The following GPC6 variants were observed in gnomAD, a reference collection of about 807,000 sequenced individuals.
GPC6 encodes the protein glypican-6.
A neutral mutation model predicts 55.2 loss-of-function variants in GPC6; 14 were observed. The observed-to-expected ratio is 0.25, with a 90% CI of 0.17 to 0.40. The LOEUF (loss-of-function observed/expected upper bound fraction) is 0.40. Ranked by LOEUF, GPC6 falls within the 10% of genes least tolerant of loss-of-function variation. GPC6 has a pLI of 1.00. For synonymous variants in GPC6, 278 were observed against 259.6 expected (o/e 1.07, Z -0.68); for missense variants, 641 against 708.5 (o/e 0.90, Z 1.08).
chr13:93,426,438 C>T (rs1257743492), intron 1 of GPC6, among the ~76,000 whole-genome samples: 8 of 145,342 alleles, frequency 5.5e-5, no homozygotes, highest in African/African-American at 1.5e-4. Context: ...TTCCTGTGTC[C>T]ATGTGTTCTC....
At chr13:93,825,790 T>A (rs1025793676) in intron 2 of GPC6, among the ~76,000 whole-genome samples, 1 of 152,106 alleles carries the variant, frequency 6.6e-6, no homozygotes, top group Non-Finnish European at 1.5e-5. Flanking sequence ...GGTAAGTTTA[T>A]TGAGTGTCTA....
chr13:93,921,185 G>A (rs1877549623), intron 3 of GPC6, among the ~76,000 whole-genome samples: 1 of 152,154 alleles, frequency 6.6e-6, no homozygotes, highest in East Asian at 1.9e-4. Context: ...CAGGGGTGTG[G>A]GTCAAACTCT....
At chr13:93,801,867 CT>C (rs1226421923) in intron 2 of GPC6, among the ~76,000 whole-genome samples, 1 of 152,176 alleles carries the variant, frequency 6.6e-6, no homozygotes, top group Non-Finnish European at 1.5e-5. Context: ...ACCAATTCAT[CT>C]TAGAATTCCC....
At chr13:94,188,924 G>A (rs371412487) in intron 4 of GPC6, among the ~76,000 whole-genome samples, 5 of 152,248 alleles carry the variant, frequency 3.3e-5, no homozygotes, top group African/African-American at 1.2e-4. Flanking sequence ...CCCCTCAATC[G>A]TATAGTTGCT....
At chr13:93,423,958 A>T (rs1015348135) in intron 1 of GPC6, among the ~76,000 whole-genome samples, 3 of 152,114 alleles carry the variant, frequency 2.0e-5, no homozygotes, top group African/African-American at 4.8e-5. Context: ...CAACTTCCGT[A>T]TCTGGTGGAA....
chr13:93,390,175 T>G (rs77513031), intron 1 of GPC6, among the ~76,000 whole-genome samples: 18 of 104 alleles, frequency 0.17, no homozygotes, highest in Admixed American at 0.4. Flanking sequence ...AAAATTCTGT[T>G]TTTTTTTTTT....
chr13:93,614,633 A>T (rs998959065), intron 2 of GPC6, among the ~76,000 whole-genome samples: 17 of 152,326 alleles, frequency 1.1e-4, no homozygotes, highest in African/African-American at 4.1e-4. Context: ...ATAGTAACTA[A>T]AACAGTATAG....
chr13:93,759,757 C>A (rs1018715401), intron 2 of GPC6, among the ~76,000 whole-genome samples: 4 of 152,084 alleles, frequency 2.6e-5, no homozygotes, highest in African/African-American at 4.8e-5. Context: ...ATCAGTGAGA[C>A]AAGTTCAAAC....
chr13:94,144,581 CAG>C (rs139887574), intron 4 of GPC6, among the ~76,000 whole-genome samples: 1 of 141,320 alleles, frequency 7.1e-6, no homozygotes, highest in African/African-American at 2.7e-5. Flanking sequence ...GTGTATAAGA[CAG>C]AGAGAGAGAG....
Position 93,227,516 on chromosome 13 carries a change from C to G in GPC6, c.60C>G (p.Pro20=), listed in dbSNP as rs1369671456. Residue 20 remains proline (P), a synonymous_variant, in exon 1 of 9, where the codon CCC becomes CCG. Coordinates refer to ENST00000377047, the MANE Select transcript of GPC6 (RefSeq NM_005708.5). The surrounding 1 kb of genome is among the most constrained non-coding windows in gnomAD (Gnocchi z 4.3). ...TCTTGGGGCTGCTGCTCTCCCTCCC[C>G]GCCGGGGCGGATGTGAAGGCTCGGA... ...LPLLGLLLSL[P]AGADVKARSC... is the part of the protein sequence containing the mutation. The G allele has an allele frequency of 1.9e-6, 3 of 1,613,876 alleles. No individual in the cohort carries two copies. The highest frequency in any genetic ancestry group is 2.5e-6 in the Non-Finnish European group (3 of 1,179,802).
intron 2 of GPC6, among the ~76,000 whole-genome samples, chr13:93,772,046 C>A (rs1885317665): frequency 6.6e-6 from 1 of 152,120 alleles, no homozygotes; most frequent in Non-Finnish European, 1.5e-5. Flanking sequence ...ATTTCCATAT[C>A]ATATCTGACA....
rs533339350 is a variant in GPC6, at chr13:93,840,520, A to G, written c.711+9975A>G. Among the ~76,000 whole-genome samples, 10 of 151,486 alleles carry G rather than the reference A, an allele frequency of 6.6e-5. No homozygotes were observed. In the South Asian group the frequency reaches 2.1e-3, roughly 32 times the overall value. On this transcript the variant is annotated intron_variant, in intron 3 of 8. Coordinates refer to ENST00000377047, the MANE Select transcript of GPC6 (RefSeq NM_005708.5). ...ACTATTCTAGAATAATGCTAAAAAC[A>G]GGAAAATAATGAACATATTTTGATT... is the stretch of plus-strand genomic sequence containing the variant.
rs190624959 is a variant in GPC6 at position 93,393,157 on chromosome 13, G to A, written c.161-152106G>A. ...AGAGAGAGAGAGAGAGAGAGAGAGA[G>A]AGTGAGAGTCTCTCACTGTCGTCTG... is the stretch of plus-strand genomic sequence containing the variant. On this transcript the variant is annotated intron_variant, in intron 1 of 8. Coordinates refer to ENST00000377047, the MANE Select transcript of GPC6 (RefSeq NM_005708.5). 2.9e-3 allele frequency among the ~76,000 whole-genome samples: 408 copies of A among 141,528 alleles called. 5 individuals carry two copies. The highest frequency in any genetic ancestry group is 1.0e-2 in the African/African-American group (391 of 39,154). 92.8% of individuals were successfully genotyped at this position (141,528 alleles called of 152,430 possible).
intron 5 of GPC6, among the ~76,000 whole-genome samples, chr13:94,296,111 C>G (rs1313623617): frequency 6.6e-6 from 1 of 152,132 alleles, no homozygotes; most frequent in South Asian, 2.1e-4. Flanking sequence ...GGAAGCACAC[C>G]TTTTTTTAGA....
At chr13:93,880,710 A>G (rs985027484) in intron 3 of GPC6, among the ~76,000 whole-genome samples, 3 of 152,106 alleles carry the variant, frequency 2.0e-5, no homozygotes, top group African/African-American at 4.8e-5. Context: ...AACTTAAAGT[A>G]TAATAATAAA....
intron 1 of GPC6, among the ~76,000 whole-genome samples, chr13:93,482,346 G>A (rs559328381): frequency 6.6e-6 from 1 of 151,984 alleles, no homozygotes; most frequent in African/African-American, 2.4e-5. Flanking sequence ...TTTCCAAACT[G>A]GATGCTTTTT....
At chr13:93,360,094 A>T (rs75417586) in intron 1 of GPC6, among the ~76,000 whole-genome samples, 16,790 of 152,188 alleles carry the variant, frequency 0.11, 1,082 homozygotes, top group South Asian at 0.22. Flanking sequence ...GAGAGCCAGT[A>T]AAAGAACATC....
In GPC6 at chr13:93,353,346, C is replaced by T. The variant is rs34548344; in HGVS notation, c.160+125730C>T. Among the ~76,000 whole-genome samples the T allele has an allele frequency of 2.9e-3, 434 of 152,212 alleles. 3 individuals are homozygous for T. Among genetic ancestry groups the T allele is most frequent in the Non-Finnish European group, 4.8e-3 (326 of 68,006 alleles). On this transcript the variant is annotated intron_variant, in intron 1 of 8. Coordinates refer to ENST00000377047, the MANE Select transcript of GPC6 (RefSeq NM_005708.5). ...TGAATTCTGAAACACTCCAACAGGG[C>T]CTCAGAAAGTAGAGTAACATCCAGA...
chr13:93,780,857 T>A (rs1193462066), intron 2 of GPC6, among the ~76,000 whole-genome samples: 1 of 152,240 alleles, frequency 6.6e-6, no homozygotes, highest in Non-Finnish European at 1.5e-5. Flanking sequence ...TTATTTTTAA[T>A]TTCTTTGAGC....
Sources: gnomAD v4.1 joint callset for allele counts (sites outside exome capture counted in the v4.1 genomes callset) on GRCh38, gnomAD v4.1.1 for gene constraint, Gnocchi (gnomAD v3.1) non-coding constraint, MANE v1.5 for transcripts, NCBI Gene and HGNC (gene_info 2026-07-23, HGNC 2026-07-21) for gene names.